Variants in LINGO2 observed in about 807,000 individuals in gnomAD.
LINGO2 encodes leucine-rich repeat and immunoglobulin-like domain-containing nogo receptor-interacting protein 2.
Under a neutral mutation model 30.6 loss-of-function variants are expected in LINGO2, and 14 were observed. The ratio of observed to expected loss-of-function variants is 0.46; its 90% CI spans 0.30 to 0.72. The LOEUF (loss-of-function observed/expected upper bound fraction) is 0.72, where lower values mean the gene tolerates loss of function less well. Among genes scored for constraint, LINGO2 ranks in the 30% least tolerant of loss-of-function variants. The pLI is 0.07. For missense variants in LINGO2, 729 were observed against 751.7 expected (o/e 0.97, Z 0.35); for synonymous variants, 317 against 288.5 (o/e 1.10, Z -1.00).
At chr9:29,212,612 CCT>C in the LINGO2 span, among the ~76,000 whole-genome samples, 1 of 151,408 alleles carries the variant, frequency 6.6e-6, no homozygotes, top group Non-Finnish European at 1.5e-5. Context: ...AAAAAAAAAA[CCT>C]CTCTGGTAAA....
At chr9:28,836,470 A>C in the LINGO2 span, among the ~76,000 whole-genome samples, 3 of 151,744 alleles carry the variant, frequency 2.0e-5, no homozygotes, top group Non-Finnish European at 4.4e-5. Flanking sequence ...ATGCACCACC[A>C]CACCCAGCTA....
intron 3 of LINGO2, among the ~76,000 whole-genome samples, chr9:28,355,211 C>G (rs1395463379): frequency 6.6e-6 from 1 of 151,658 alleles, no homozygotes; most frequent in East Asian, 1.9e-4. Context: ...TATTATAAAT[C>G]TCAAAACCGT....
At chr9:28,041,907 G>T (rs1407025561) in intron 4 of LINGO2, among the ~76,000 whole-genome samples, 2 of 152,150 alleles carry the variant, frequency 1.3e-5, no homozygotes, top group Admixed American at 6.5e-5. Flanking sequence ...GATCTTTGCA[G>T]TGAGTCAATG....
chr9:28,053,714 G>A (rs1052764077), intron 4 of LINGO2, among the ~76,000 whole-genome samples: 1 of 151,984 alleles, frequency 6.6e-6, no homozygotes, highest in African/African-American at 2.4e-5. Context: ...TGATATAATA[G>A]GTCTATATTG....
the LINGO2 span, among the ~76,000 whole-genome samples, chr9:28,903,006 G>T: frequency 1.5e-4 from 22 of 151,462 alleles, no homozygotes; most frequent in South Asian, 4.4e-3. Flanking sequence ...GTTAGTAGGA[G>T]GGTAAAAATA....
the LINGO2 span, among the ~76,000 whole-genome samples, chr9:28,963,062 G>A: frequency 1.4e-4 from 21 of 151,910 alleles, no homozygotes; most frequent in East Asian, 2.1e-3. Flanking sequence ...AGTGTTTAGC[G>A]CTGACAATTA....
intron 5 of LINGO2, among the ~76,000 whole-genome samples, chr9:27,964,349 G>C (rs1422683080): frequency 1.3e-5 from 2 of 152,046 alleles, no homozygotes. Flanking sequence ...CTTTCAATTA[G>C]CTATATGCTG....
the LINGO2 span, among the ~76,000 whole-genome samples, chr9:28,967,308 G>C: frequency 6.6e-6 from 1 of 152,120 alleles, no homozygotes; most frequent in Non-Finnish European, 1.5e-5. Context: ...ATGAAGTAGA[G>C]CCTAAAGAAT....
At chr9:27,994,324 T>TA (rs771175280) in intron 5 of LINGO2, among the ~76,000 whole-genome samples, 1 of 151,660 alleles carries the variant, frequency 6.6e-6, no homozygotes, top group East Asian at 1.9e-4. Context: ...AAATTGAAAC[T>TA]AAAAAAAAGG....
Position 28,460,724 on chromosome 9 carries a change from C to G in LINGO2, c.-279+15216G>C, listed in dbSNP as rs903952741. 2.6e-5 allele frequency among the ~76,000 whole-genome samples: 4 copies of G among 152,108 alleles called. 1 individual carries two copies. The highest frequency in any genetic ancestry group is 4.2e-4 in the South Asian group (2 of 4,816). ...CTCCTCCCTCTGGGAATTAATTCCT[C>G]TACTGTGCAGGTATTTGGGAAGAAG... On this transcript the variant is annotated intron_variant, in intron 2 of 5. Transcript: ENST00000379992.
chr9:28,643,169 A>G (rs1209386925), intron 1 of LINGO2, among the ~76,000 whole-genome samples: 2 of 152,206 alleles, frequency 1.3e-5, no homozygotes, highest in African/African-American at 2.4e-5. Context: ...ACCTTCTTCA[A>G]AGAAAGAGAA....
intron 2 of LINGO2, among the ~76,000 whole-genome samples, chr9:28,382,868 C>A (rs1441969196): frequency 1.3e-5 from 2 of 152,022 alleles, no homozygotes; most frequent in Non-Finnish European, 2.9e-5. Context: ...AATACTACCA[C>A]AAAAGTTCTT....
intron 5 of LINGO2, among the ~76,000 whole-genome samples, chr9:27,963,667 TG>T (rs1046968445): frequency 1.2e-4 from 18 of 151,964 alleles, no homozygotes; most frequent in East Asian, 3.9e-4. Context: ...AAGACTTTTT[TG>T]TTTTTTTGAA....
At chr9:27,996,785 A>G (rs756990252) in intron 5 of LINGO2, among the ~76,000 whole-genome samples, 11 of 152,194 alleles carry the variant, frequency 7.2e-5, no homozygotes, top group Non-Finnish European at 1.6e-4. Flanking sequence ...GAAGTGATAA[A>G]TGTTTGAGGT....
intron 4 of LINGO2, among the ~76,000 whole-genome samples, chr9:28,082,533 T>C (rs1825801739): frequency 6.6e-6 from 1 of 152,170 alleles, no homozygotes; most frequent in African/African-American, 2.4e-5. Context: ...AACATTTGAG[T>C]AGGAATTTGC....
At chr9:28,714,304 T>G in the LINGO2 span, among the ~76,000 whole-genome samples, 1 of 151,652 alleles carries the variant, frequency 6.6e-6, no homozygotes, top group Non-Finnish European at 1.5e-5. Context: ...CTTTATACAT[T>G]TCATGCCAAT....
intron 1 of LINGO2, among the ~76,000 whole-genome samples, chr9:28,666,922 T>TA (rs1176145498): frequency 6.6e-6 from 1 of 152,212 alleles, no homozygotes; most frequent in East Asian, 1.9e-4. Flanking sequence ...TAGCATTTTT[T>TA]AAAAAAATAT....
the LINGO2 span, among the ~76,000 whole-genome samples, chr9:29,066,422 C>T: frequency 6.6e-6 from 1 of 151,964 alleles, no homozygotes; most frequent in Non-Finnish European, 1.5e-5. Flanking sequence ...GAGATACATA[C>T]TCAGCTATGC....
At chr9:29,077,625 C>A in the LINGO2 span, among the ~76,000 whole-genome samples, 1 of 151,786 alleles carries the variant, frequency 6.6e-6, no homozygotes, top group African/African-American at 2.4e-5. Flanking sequence ...TATGTTTTAA[C>A]AAAGACACAA....
Sources: gnomAD v4.1 joint callset for allele counts (sites outside exome capture counted in the v4.1 genomes callset) on GRCh38, gnomAD v4.1.1 for gene constraint, MANE v1.5 for transcripts, NCBI Gene and HGNC (gene_info 2026-07-23, HGNC 2026-07-21) for gene names.